COX20: variants seen among roughly 807,000 people sequenced by gnomAD.
The protein encoded by COX20 is cytochrome c oxidase assembly protein COX20, mitochondrial.
COX20 carries 14 observed loss-of-function variants against 14.3 expected under a neutral mutation model. That is an observed-to-expected ratio of 0.98 (90% CI 0.65 to 1.53). The LOEUF is 1.53. COX20 is among the 40% of genes most tolerant of loss of function. The pLI, the probability that COX20 is intolerant of heterozygous loss-of-function variation, is 0.00. For missense variants in COX20, 149 were observed against 142.1 expected (o/e 1.05, Z -0.25); for synonymous variants, 56 against 51.7 (o/e 1.08, Z -0.36).
At position 244,843,284 on chromosome 1, in the gene COX20, ATT is replaced by A; in HGVS notation, c.*114_*115del. The A allele has an allele frequency of 7.5e-7, 1 of 1,327,540 alleles. No individual in the cohort carries two copies. Among genetic ancestry groups the A allele is most frequent in the Non-Finnish European group, 1.0e-6 (1 of 971,194 alleles). 82.2% of individuals were successfully genotyped at this position (1,327,540 alleles called of 1,614,324 possible). A position where few individuals can be genotyped will look rare whatever the true frequency, so the allele number is the denominator to read the frequency against. ...AGTAAATAAAGTTTAAGTTGTAGTCATTTTTTTCCCACACTTGTGTGGAATGA... is the reference window on the plus strand; with the variant it reads ...AGTAAATAAAGTTTAAGTTGTAGTCATTTTTCCCACACTTGTGTGGAATGA... On this transcript the variant is annotated 3_prime_UTR_variant, in exon 4 of 4. Coordinates refer to ENST00000411948, the MANE Select transcript of COX20 (RefSeq NM_198076.6).
rs774313774 is a variant in COX20, at chr1:244,843,198, A to T, written c.*22A>T. ...TTGAACAATCTTGAGCATAGAAGTC[A>T]ATGTAAACGAAGTTAAGATCAACCA... On this transcript the variant is annotated 3_prime_UTR_variant, in exon 4 of 4. Coordinates refer to ENST00000411948, the MANE Select transcript of COX20 (RefSeq NM_198076.6). 4 of 1,544,962 alleles carry T rather than the reference A, an allele frequency of 2.6e-6. No individual in the cohort carries two copies. The highest frequency in any genetic ancestry group is 3.5e-6 in the Non-Finnish European group (4 of 1,150,364).
intron 1 of COX20, chr1:244,841,663 T>G (rs1248216828): frequency 3.4e-6 from 1 of 291,158 alleles, no homozygotes; most frequent in Admixed American, 4.6e-5. Context: ...TGAATTATCC[T>G]ATTTCCAAGT....
In COX20 at chr1:244,837,155, C is replaced by G. The variant is rs533082766; in HGVS notation, c.42+1399C>G. 7.6e-4 allele frequency among the ~76,000 whole-genome samples: 115 copies of G among 151,566 alleles called. 1 individual carries two copies. The highest frequency in any genetic ancestry group is 2.6e-3 in the African/African-American group (108 of 41,342). ...ATCAACATTGACCTATTTAACTGGC[C>G]CATCAGTAAGTAGCAAAACAATACT... On this transcript the variant is annotated intron_variant, in intron 1 of 3. Coordinates refer to ENST00000411948, the MANE Select transcript of COX20 (RefSeq NM_198076.6).
At chr1:244,842,305 T>A (rs376403314) in intron 3 of COX20, 47 bp downstream of exon 3, 4 of 1,304,726 alleles carry the variant, frequency 3.1e-6, no homozygotes, top group Non-Finnish European at 4.5e-6. Flanking sequence ...TAGTAGGTTA[T>A]CTAATTCAAA....
At chr1:244,835,628 G>A, upstream of COX20, 1 of 1,069,300 alleles carries the variant, frequency 9.4e-7, no homozygotes, top group East Asian at 3.2e-5. Flanking sequence ...GGCGCGTGGG[G>A]GCGGGACGGG....
At position 244,836,432 on chromosome 1, in the gene COX20, AG is replaced by A; in HGVS notation, c.42+679del. On this transcript the variant is annotated intron_variant, in intron 1 of 3. Transcript: ENST00000411948. ...AGCTAAACCAAGCGCTCTCCCTGGAAGGGCTCCTGTGTTTCACCAAAGCTGA... is the reference window on the plus strand; with the variant it reads ...AGCTAAACCAAGCGCTCTCCCTGGAAGGCTCCTGTGTTTCACCAAAGCTGA... 27 of 1,500,236 alleles carry A rather than the reference AG, an allele frequency of 1.8e-5. No individual in the cohort carries two copies. The South Asian group carries it at 3.3e-4, about 18-fold the overall frequency. The allele number at this position is 1,500,236 out of a possible 1,614,324, so 92.9% of individuals were successfully genotyped here.
intron 1 of COX20, among the ~76,000 whole-genome samples, chr1:244,836,811 G>T (rs1436691903): frequency 6.6e-6 from 1 of 151,922 alleles, no homozygotes; most frequent in Non-Finnish European, 1.5e-5. Flanking sequence ...TCCAAATTTG[G>T]CCATGACATC....
chr1:244,843,036 C>T lies in COX20; in HGVS notation c.222-5C>T. 1.3e-6 allele frequency: 2 copies of T among 1,532,950 alleles called. No homozygotes were observed. Among genetic ancestry groups the T allele is most frequent in the Non-Finnish European group, 1.8e-6 (2 of 1,141,020 alleles). The allele number at this position is 1,532,950 out of a possible 1,614,324, so 95.0% of individuals were successfully genotyped here. On this transcript the variant is annotated splice_polypyrimidine_tract_variant and splice_region_variant and intron_variant, in intron 3 of 3. Coordinates refer to ENST00000411948, the MANE Select transcript of COX20 (RefSeq NM_198076.6). ...AACAATTTATTCATATTCTTTTCTTCTAAGGTTTCATTGTAGGTATAATTA... is the reference window on the plus strand; with the variant it reads ...AACAATTTATTCATATTCTTTTCTTTTAAGGTTTCATTGTAGGTATAATTA...
chr1:244,842,597 G>A, intron 3 of COX20: 1 of 284,640 alleles, frequency 3.5e-6, no homozygotes, highest in South Asian at 5.6e-5. Flanking sequence ...TATAAAATAT[G>A]GATGAACCTC....
In COX20 at chr1:244,835,719, C is replaced by T; in HGVS notation, c.5C>T (p.Ala2Val). Reference protein sequence around the residue: MAAPPEPGEPEE... With the variant: MVAPPEPGEPEE... The stretch of plus-strand genomic sequence containing the variant: ...TGGAGTCGCGGAGTAGTCCTCATGG[C>T]CGCCCCGCCGGAGCCCGGTGAGCCC... Residue 2 changes from alanine (A) to valine (V), a missense_variant, in exon 1 of 4, where the codon GCC becomes GTC. Coordinates refer to ENST00000411948, the MANE Select transcript of COX20 (RefSeq NM_198076.6). The T allele has an allele frequency of 7.9e-7, 1 of 1,267,876 alleles. No individual in the cohort carries two copies. The highest frequency in any genetic ancestry group is 3.8e-5 in the Admixed American group (1 of 26,104). The allele number at this position is 1,267,876 out of a possible 1,614,324, so 78.5% of individuals were successfully genotyped here.
chr1:244,836,589 C>G, intron 1 of COX20: 1 of 1,345,248 alleles, frequency 7.4e-7, no homozygotes, highest in Non-Finnish European at 1.0e-6. Flanking sequence ...AATTTATATC[C>G]TCAGGGCAGA....
In COX20 at chr1:244,844,200, A is replaced by G. The variant is rs1437922823; in HGVS notation, c.*1024A>G. 9 of 152,198 alleles carry G rather than the reference A, an allele frequency of 5.9e-5. No homozygotes were observed. Among genetic ancestry groups the G allele is most frequent in the African/African-American group, 1.9e-4 (8 of 41,448 alleles). 9.4% of individuals were successfully genotyped at this position (152,198 alleles called of 1,614,324 possible). Reference sequence around the variant, plus strand: ...GTTATTTTGATCTACATCTTTTTCTAAAGAAAAGTGGAGCTTGCCTCCAGT... The same window carrying G: ...GTTATTTTGATCTACATCTTTTTCTGAAGAAAAGTGGAGCTTGCCTCCAGT... On this transcript the variant is annotated 3_prime_UTR_variant, in exon 4 of 4. Transcript: ENST00000411948.
rs188853317 is a variant in COX20 at position 244,837,417 on chromosome 1, G to T, written c.42+1661G>T. 1.2e-4 allele frequency among the ~76,000 whole-genome samples: 19 copies of T among 152,198 alleles called. No homozygotes were observed. The East Asian group carries it at 2.1e-3, about 17-fold the overall frequency. On this transcript the variant is annotated intron_variant, in intron 1 of 3. Transcript: ENST00000411948. ...GATCATTCCAGCACAACCCAGGGAG[G>T]ATTATTTTATTATAAGAATTAGCAA... is the stretch of plus-strand genomic sequence containing the variant.
chr1:244,841,996 ATTCAATATTGTATGG>A lies in COX20; in HGVS notation c.100_114del (p.Ile34_Ser38del). On this transcript the variant is annotated inframe_deletion, in exon 2 of 4. Coordinates refer to ENST00000411948, the MANE Select transcript of COX20 (RefSeq NM_198076.6). ...GTTGAAAATACTCCCTGCGCCCGGC[ATTCAATATTGTATGG>A]TTCATTAGGATCTGTTGTGGCTGGC... is the stretch of plus-strand genomic sequence containing the variant. The A allele has an allele frequency of 6.2e-7, 1 of 1,612,366 alleles. No individual in the cohort carries two copies. Among genetic ancestry groups the A allele is most frequent in the Non-Finnish European group, 8.5e-7 (1 of 1,178,936 alleles).
Position 244,844,630 on chromosome 1 carries a change from T to C in COX20, c.*1454T>C, listed in dbSNP as rs1680352605. 1 of 152,102 alleles carries C rather than the reference T, an allele frequency of 6.6e-6. No homozygotes were observed. The highest frequency in any genetic ancestry group is 6.6e-5 in the Admixed American group (1 of 15,266). The allele number at this position is 152,102 out of a possible 1,614,324, so 9.4% of individuals were successfully genotyped here. On this transcript the variant is annotated 3_prime_UTR_variant, in exon 4 of 4. Coordinates refer to ENST00000411948, the MANE Select transcript of COX20 (RefSeq NM_198076.6). ...AAAATTAGCCGGGCGTGGTGGTGCA[T>C]GCCTGTAGTCCCAGGTACTCAGGAG... is the stretch of plus-strand genomic sequence containing the variant.
intron 1 of COX20, chr1:244,836,455 C>G (rs1338067202): frequency 6.5e-7 from 1 of 1,547,938 alleles, no homozygotes. Flanking sequence ...TTCACCAAAG[C>G]TGACTTACGT....
intron 1 of COX20, chr1:244,840,975 A>G (rs532184286): frequency 1.3e-5 from 2 of 152,356 alleles, no homozygotes; most frequent in East Asian, 3.9e-4. Flanking sequence ...AATTTTATAT[A>G]CACTTAAATC....
upstream of COX20, chr1:244,835,653 G>C (rs961650160): frequency 1.7e-6 from 2 of 1,211,058 alleles, no homozygotes; most frequent in Non-Finnish European, 2.1e-6. Context: ...GGCGCGGCCA[G>C]CCGGGCTTCT....
chr1:244,838,674 T>C (rs1680077043), intron 1 of COX20, among the ~76,000 whole-genome samples: 1 of 145,374 alleles, frequency 6.9e-6, no homozygotes, highest in South Asian at 2.1e-4. Flanking sequence ...CTCACTCAAG[T>C]GAGTTAAAGG....
Sources: gnomAD v4.1 joint callset for allele counts (sites outside exome capture counted in the v4.1 genomes callset) on GRCh38, gnomAD v4.1.1 for gene constraint, MANE v1.5 for transcripts, NCBI Gene and HGNC (gene_info 2026-07-23, HGNC 2026-07-21) for gene names.